Variants in FLRT2 observed in about 807,000 individuals in gnomAD.
FLRT2 encodes leucine-rich repeat transmembrane protein FLRT2.
FLRT2 carries 15 observed loss-of-function variants against 40.0 expected under a neutral mutation model. The ratio of observed to expected loss-of-function variants is 0.38; its 90% CI spans 0.25 to 0.58. The LOEUF is 0.58. Ranked by LOEUF, FLRT2 falls within the 20% of genes least tolerant of loss-of-function variation. The probability of loss-of-function intolerance (pLI) is 0.71; values close to 1 mark genes in which losing one functional copy is unlikely to be tolerated. For missense variants in FLRT2, 726 were observed against 840.0 expected (o/e 0.86, Z 1.68); for synonymous variants, 380 against 336.8 (o/e 1.13, Z -1.41).
At chr14:85,554,552 T>C (rs1889843960) in intron 1 of FLRT2, among the ~76,000 whole-genome samples, 1 of 152,206 alleles carries the variant, frequency 6.6e-6, no homozygotes, top group Non-Finnish European at 1.5e-5. Flanking sequence ...AACCTCACAT[T>C]CCAATTAAAA....
intron 1 of FLRT2, among the ~76,000 whole-genome samples, chr14:85,540,632 G>A (rs1281659435): frequency 6.6e-6 from 1 of 152,040 alleles, no homozygotes; most frequent in Non-Finnish European, 1.5e-5. Flanking sequence ...ATTTCTTTCG[G>A]TGATTTGAGG....
Position 85,592,802 on chromosome 14 carries a change from A to AAAAG in FLRT2, c.-376-28334_-376-28333insGAAA, listed in dbSNP as rs1555369080. Among the ~76,000 whole-genome samples, 5 of 99,942 alleles carry AAAAG rather than the reference A, an allele frequency of 5.0e-5. 1 individual carries two copies. Among genetic ancestry groups the AAAAG allele is most frequent in the African/African-American group, 1.8e-4 (5 of 27,406 alleles). The allele number at this position is 99,942 out of a possible 152,430, so 65.6% of individuals were successfully genotyped here. A position where few individuals can be genotyped will look rare whatever the true frequency, so the allele number is the denominator to read the frequency against. On this transcript the variant is annotated intron_variant, in intron 1 of 1. Coordinates refer to ENST00000330753, the MANE Select transcript of FLRT2 (RefSeq NM_013231.6). ...GAAACTCCGTCTCAAAAAAAAAAAA[A>AAAAG]AAAAAGAAAAAAAAGAAAACCTGGA...
At chr14:85,540,854 T>C (rs1212425558) in intron 1 of FLRT2, among the ~76,000 whole-genome samples, 1 of 152,202 alleles carries the variant, frequency 6.6e-6, no homozygotes, top group Non-Finnish European at 1.5e-5. Context: ...ACTGGCAGTG[T>C]TGAATGATAT....
rs1225238919 is a variant in FLRT2 at position 85,606,518 on chromosome 14, A to T, written c.-376-14621A>T. ...CGTTACATGTTACATGTTAGCTGTT[A>T]CTCTTTTTTTTTTTTTTTTTTTTTT... On this transcript the variant is annotated intron_variant, in intron 1 of 1. Transcript: ENST00000330753. Among the ~76,000 whole-genome samples, 76 of 112,582 alleles carry T rather than the reference A, an allele frequency of 6.8e-4. No individual in the cohort carries two copies. In the South Asian group the frequency reaches 1.0e-2, roughly 15 times the overall value. The allele number at this position is 112,582 out of a possible 152,430, so 73.9% of individuals were successfully genotyped here.
chr14:85,612,381 G>A (rs927990784), intron 1 of FLRT2, among the ~76,000 whole-genome samples: 1 of 152,152 alleles, frequency 6.6e-6, no homozygotes, highest in African/African-American at 2.4e-5. Flanking sequence ...TATTTTAAAG[G>A]TAGCTTTTAA....
At chr14:85,577,104 C>G (rs113928351) in intron 1 of FLRT2, among the ~76,000 whole-genome samples, 1 of 152,082 alleles carries the variant, frequency 6.6e-6, no homozygotes, top group East Asian at 1.9e-4. Flanking sequence ...TTACCACTTG[C>G]GGTTTTCGCT....
At chr14:85,539,808 A>G (rs186541665) in intron 1 of FLRT2, among the ~76,000 whole-genome samples, 1 of 152,318 alleles carries the variant, frequency 6.6e-6, no homozygotes, top group East Asian at 1.9e-4. Flanking sequence ...GTTTTATATA[A>G]ATAAAATGGT....
At chr14:85,574,650 G>T (rs1891045922) in intron 1 of FLRT2, among the ~76,000 whole-genome samples, 1 of 140,898 alleles carries the variant, frequency 7.1e-6, no homozygotes, top group South Asian at 2.4e-4. Context: ...ATAAATTGAA[G>T]ATTTTTTTTT....
At chr14:85,551,802 C>A (rs1342798920) in intron 1 of FLRT2, 1 of 152,154 alleles carries the variant, frequency 6.6e-6, no homozygotes, top group Non-Finnish European at 1.5e-5. Flanking sequence ...TTTCCATAAT[C>A]TTTTCCATGT....
At chr14:85,604,889 G>C (rs1892538105) in intron 1 of FLRT2, among the ~76,000 whole-genome samples, 1 of 152,110 alleles carries the variant, frequency 6.6e-6, no homozygotes, top group South Asian at 2.1e-4. Flanking sequence ...GAAGACATTT[G>C]GTCCTCCCAG....
At chr14:85,588,619 A>G (rs12433264) in intron 1 of FLRT2, among the ~76,000 whole-genome samples, 25,510 of 152,004 alleles carry the variant, frequency 0.17, 2,686 homozygotes, top group East Asian at 0.55. Flanking sequence ...GTTACAAACA[A>G]CCCAGTTATA....
At chr14:85,586,526 G>T in intron 1 of FLRT2, among the ~76,000 whole-genome samples, 1 of 150,770 alleles carries the variant, frequency 6.6e-6, no homozygotes, top group East Asian at 1.9e-4. Context: ...CATATTAAAT[G>T]TTCTTACTAT....
rs1445171172 is a variant in FLRT2, at chr14:85,640,299, A to C, written c.*16802A>C. 5 of 152,214 alleles carry C rather than the reference A, an allele frequency of 3.3e-5. No individual in the cohort carries two copies. The highest frequency in any genetic ancestry group is 1.2e-4 in the African/African-American group (5 of 41,458). The allele number at this position is 152,214 out of a possible 1,614,324, so 9.4% of individuals were successfully genotyped here. ...CTTTATTTCCAAAACTGTATATTTT[A>C]TCAGGACAGTAAGGCAATCAGTGGA... On this transcript the variant is annotated 3_prime_UTR_variant, in exon 2 of 2. Transcript: ENST00000330753.
intron 1 of FLRT2, among the ~76,000 whole-genome samples, chr14:85,588,861 G>C (rs1302759258): frequency 6.6e-6 from 1 of 152,086 alleles, no homozygotes; most frequent in African/African-American, 2.4e-5. Context: ...AAACAAATGA[G>C]AACATGTGAT....
rs768217590 is a variant in FLRT2 at position 85,638,716 on chromosome 14, AT to A, written c.*15221del. 2.1e-4 allele frequency: 32 copies of A among 152,196 alleles called. No individual in the cohort carries two copies. The highest frequency in any genetic ancestry group is 3.8e-4 in the Non-Finnish European group (26 of 68,046). 9.4% of individuals were successfully genotyped at this position (152,196 alleles called of 1,614,324 possible). On this transcript the variant is annotated 3_prime_UTR_variant, in exon 2 of 2. Transcript: ENST00000330753. The stretch of plus-strand genomic sequence containing the variant: ...TACTTATTGAGCAGAGCGAAGTAAC[AT>A]TAATTTGTGTTATAACCACTGAATG...
At position 85,645,710 on chromosome 14, in the gene FLRT2, A is replaced by G. The variant is rs775756306; in HGVS notation, c.*22213A>G. On this transcript the variant is annotated 3_prime_UTR_variant, in exon 2 of 2. Transcript: ENST00000330753. ...TTTCAGAGATTCAGTAGATAAGGTG[A>G]TCTATTATATGGATGTCAAGCTGTC... is the stretch of plus-strand genomic sequence containing the variant. The G allele has an allele frequency of 2.6e-5, 4 of 152,136 alleles. No homozygotes were observed. Among genetic ancestry groups the G allele is most frequent in the African/African-American group, 4.8e-5 (2 of 41,432 alleles). 9.4% of individuals were successfully genotyped at this position (152,136 alleles called of 1,614,324 possible).
chr14:85,643,755 G>A lies in FLRT2; in HGVS notation c.*20258G>A, dbSNP rs1894224951. 1 of 152,282 alleles carries A rather than the reference G, an allele frequency of 6.6e-6. No individual in the cohort carries two copies. The highest frequency in any genetic ancestry group is 1.9e-4 in the East Asian group (1 of 5,174). 9.4% of individuals were successfully genotyped at this position (152,282 alleles called of 1,614,324 possible). ...TGAGGACTCTCCTCTTTTAGATAGA[G>A]ATGAAAGTGTAGATGCTGCCCACAA... On this transcript the variant is annotated 3_prime_UTR_variant, in exon 2 of 2. Transcript: ENST00000330753.
At position 85,646,607 on chromosome 14, in the gene FLRT2, G is replaced by A. The variant is rs4429227; in HGVS notation, c.*23110G>A. 73,629 of 151,800 alleles carry A rather than the reference G, an allele frequency of 0.49. 18,425 individuals are homozygous for A. The highest frequency in any genetic ancestry group is 0.53 in the Admixed American group (8,145 of 15,250). The allele number at this position is 151,800 out of a possible 1,614,324, so 9.4% of individuals were successfully genotyped here. A position where few individuals can be genotyped will look rare whatever the true frequency, so the allele number is the denominator to read the frequency against. ...GGCCTCTTCTGTTTCAGGGCTTCTCGAATTTTTTTTTCTTTTATTTATTTT... is the reference window on the plus strand; with the variant it reads ...GGCCTCTTCTGTTTCAGGGCTTCTCAAATTTTTTTTTCTTTTATTTATTTT... On this transcript the variant is annotated 3_prime_UTR_variant, in exon 2 of 2. Coordinates refer to ENST00000330753, the MANE Select transcript of FLRT2 (RefSeq NM_013231.6).
chr14:85,566,731 T>G (rs1434248558), intron 1 of FLRT2, among the ~76,000 whole-genome samples: 1 of 149,772 alleles, frequency 6.7e-6, no homozygotes, highest in Non-Finnish European at 1.5e-5. Flanking sequence ...ATCTCGTGGC[T>G]GAAAAATAGT....
Sources: gnomAD v4.1 joint callset for allele counts (sites outside exome capture counted in the v4.1 genomes callset) on GRCh38, gnomAD v4.1.1 for gene constraint, MANE v1.5 for transcripts, NCBI Gene and HGNC (gene_info 2026-07-23, HGNC 2026-07-21) for gene names.